The following NCKAP5 variants were observed in gnomAD, a reference collection of about 807,000 sequenced individuals.
NCKAP5 encodes NCK associated protein 5, also known as nck-associated protein 5.
In NCKAP5, 92 loss-of-function variants were observed where a neutral mutation model predicts 167.0. The ratio of observed to expected loss-of-function variants is 0.55; its 90% CI spans 0.47 to 0.66. The LOEUF (loss-of-function observed/expected upper bound fraction) is 0.66. Among genes scored for constraint, NCKAP5 ranks in the 30% least tolerant of loss-of-function variants. NCKAP5 has a pLI of 0.00. For missense variants in NCKAP5, 2,378 were observed against 2,315.0 expected, an observed-to-expected ratio of 1.03 and a Z score of -0.56; for synonymous variants, 891 against 877.4, an observed-to-expected ratio of 1.02 and a Z score of -0.27.
chr2:132,979,485 G>A (rs967086952), intron 7 of NCKAP5, among the ~76,000 whole-genome samples: 1 of 151,990 alleles, frequency 6.6e-6, no homozygotes, highest in African/African-American at 2.4e-5. Flanking sequence ...CCCCAGCAAC[G>A]AGCTTCCTAC....
intron 3 of NCKAP5, among the ~76,000 whole-genome samples, chr2:133,365,873 C>T (rs1685426221): frequency 6.6e-6 from 1 of 152,084 alleles, no homozygotes; most frequent in South Asian, 2.1e-4. Flanking sequence ...CAATTCAGTC[C>T]TTGGAAAAAA....
At chr2:133,287,660 T>C (rs898769597) in intron 4 of NCKAP5, among the ~76,000 whole-genome samples, 1 of 152,204 alleles carries the variant, frequency 6.6e-6, no homozygotes, top group African/African-American at 2.4e-5. Flanking sequence ...CTAAGGTACA[T>C]GAAATAATTT....
At chr2:133,549,369 AAAG>A (rs1687064854) in intron 2 of NCKAP5, among the ~76,000 whole-genome samples, 1 of 146,902 alleles carries the variant, frequency 6.8e-6, no homozygotes, top group East Asian at 2.0e-4. Flanking sequence ...AGCAAATGTA[AAAG>A]AACAGAAATT....
chr2:133,556,010 C>T (rs1687713593), intron 2 of NCKAP5, among the ~76,000 whole-genome samples: 2 of 152,064 alleles, frequency 1.3e-5, no homozygotes, highest in African/African-American at 4.8e-5. Flanking sequence ...AGGAAAGAAG[C>T]CAGACACAAA....
Position 132,783,348 on chromosome 2 carries a change from T to G in NCKAP5, c.3463A>C (p.Lys1155Gln). Residue 1155 changes from lysine to glutamine, a missense_variant, in exon 14 of 20, where the codon AAG (lysine) becomes CAG (glutamine). By Grantham distance (53) the Lys-to-Gln change is moderately conservative (BLOSUM62 1). Coordinates refer to ENST00000409261, the MANE Select transcript of NCKAP5 (RefSeq NM_207363.3). The part of the protein sequence containing the change: ...RLPVGLKVLM[K>Q]SPQLLRKSST... ...CTTTTCCTGAGCAGCTGGGGAGACT[T>G]CATGAGCACTTTGAGTCCCACTGGA... 3.1e-6 allele frequency: 5 copies of G among 1,613,350 alleles called. No individual in the cohort carries two copies. Among genetic ancestry groups the G allele is most frequent in the Non-Finnish European group, 3.4e-6 (4 of 1,179,682 alleles).
intron 3 of NCKAP5, among the ~76,000 whole-genome samples, chr2:133,308,077 CTATTT>C: frequency 8.5e-6 from 1 of 118,322 alleles, no homozygotes; most frequent in African/African-American, 3.3e-5. Context: ...AATTATTGTT[CTATTT>C]TTTTTTTTTT....
chr2:133,352,718 GGCCT>G (rs1684451660), intron 3 of NCKAP5, among the ~76,000 whole-genome samples: 1 of 152,174 alleles, frequency 6.6e-6, no homozygotes, highest in Non-Finnish European at 1.5e-5. Context: ...TGCCCAGGTG[GGCCT>G]GCCAGACAGA....
chr2:133,356,746 T>C (rs1397206908), intron 3 of NCKAP5, among the ~76,000 whole-genome samples: 3 of 152,188 alleles, frequency 2.0e-5, no homozygotes, highest in Non-Finnish European at 4.4e-5. Context: ...TACTTACACT[T>C]TTTGAGAAAT....
intron 8 of NCKAP5, among the ~76,000 whole-genome samples, chr2:132,936,653 A>G (rs187134635): frequency 6.6e-6 from 1 of 152,220 alleles, no homozygotes; most frequent in African/African-American, 2.4e-5. Flanking sequence ...TAACCAAAAG[A>G]AACTGTTATC....
the NCKAP5 span, among the ~76,000 whole-genome samples, chr2:133,619,839 A>C: frequency 2.6e-5 from 4 of 152,288 alleles, no homozygotes; most frequent in South Asian, 8.3e-4. Context: ...AAAACATCTT[A>C]AGAGCTATGA....
intron 5 of NCKAP5, among the ~76,000 whole-genome samples, chr2:133,152,944 G>C (rs915637071): frequency 3.9e-5 from 6 of 152,200 alleles, no homozygotes; most frequent in African/African-American, 1.2e-4. Flanking sequence ...TAGTGGAGTA[G>C]GCTGTAGCAC....
chr2:133,583,716 G>A, the NCKAP5 span, among the ~76,000 whole-genome samples: 128,623 of 152,166 alleles, frequency 0.85, 54,716 homozygotes, highest in East Asian at 0.97. Flanking sequence ...AATAGTAGTC[G>A]TAAGATAAAG....
chr2:133,085,844 A>C (rs915761315), intron 6 of NCKAP5, among the ~76,000 whole-genome samples: 1 of 152,156 alleles, frequency 6.6e-6, no homozygotes, highest in Non-Finnish European at 1.5e-5. Context: ...CTAGAACCAG[A>C]TGTCACTCCC....
chr2:132,916,302 T>C (rs1694872825), intron 8 of NCKAP5, among the ~76,000 whole-genome samples: 1 of 151,988 alleles, frequency 6.6e-6, no homozygotes, highest in Admixed American at 6.6e-5. Flanking sequence ...ACAGAGGGCG[T>C]TAGCTGGATG....
chr2:132,769,955 G>T (rs1681876730), intron 16 of NCKAP5, among the ~76,000 whole-genome samples: 1 of 152,146 alleles, frequency 6.6e-6, no homozygotes, highest in African/African-American at 2.4e-5. Context: ...GCCAATATTG[G>T]CTCCTCTATT....
intron 6 of NCKAP5, among the ~76,000 whole-genome samples, chr2:133,025,429 A>T (rs1474264713): frequency 2.6e-5 from 4 of 152,178 alleles, no homozygotes; most frequent in African/African-American, 7.2e-5. Flanking sequence ...AAGTTAGCTC[A>T]CTGATGGAAA....
At chr2:133,472,521 T>C (rs1575020110) in intron 3 of NCKAP5, among the ~76,000 whole-genome samples, 1 of 152,018 alleles carries the variant, frequency 6.6e-6, no homozygotes, top group South Asian at 2.1e-4. Context: ...CCTTTAAAGG[T>C]TGGGGTTCTC....
chr2:133,421,940 C>T (rs985233912), intron 3 of NCKAP5, among the ~76,000 whole-genome samples: 3 of 152,226 alleles, frequency 2.0e-5, no homozygotes, highest in Admixed American at 1.3e-4. Flanking sequence ...TTATCTAGTG[C>T]CTTCCACTCA....
At chr2:132,921,133 A>G (rs1458794697) in intron 8 of NCKAP5, among the ~76,000 whole-genome samples, 1 of 151,930 alleles carries the variant, frequency 6.6e-6, no homozygotes, top group Non-Finnish European at 1.5e-5. Context: ...TCCTCTCACG[A>G]AGCTTTATCT....
Sources: allele counts gnomAD v4.1 joint callset (sites outside exome capture counted in the v4.1 genomes callset), GRCh38; gene constraint gnomAD v4.1.1; transcripts MANE v1.5; gene names NCBI Gene and HGNC (gene_info 2026-07-23, HGNC 2026-07-21).